The following CACNA2D3 variants were observed in gnomAD, a reference collection of about 807,000 sequenced individuals.
The protein encoded by CACNA2D3 is voltage-dependent calcium channel subunit alpha-2/delta-3.
In CACNA2D3, 60 loss-of-function variants were observed where a neutral mutation model predicts 160.6. The observed-to-expected ratio is 0.37, with a 90% CI of 0.30 to 0.46. CACNA2D3 has a LOEUF of 0.46. Ranked by LOEUF, CACNA2D3 falls within the 20% of genes least tolerant of loss-of-function variation. The probability of loss-of-function intolerance (pLI) is 1.00; values close to 1 mark genes in which losing one functional copy is unlikely to be tolerated. For missense variants in CACNA2D3, 1,205 were observed against 1,365.0 expected (o/e 0.88, Z 1.85); for synonymous variants, 558 against 492.9 (o/e 1.13, Z -1.75).
At chr3:54,464,236 TGAG>T (rs1326220254) in intron 4 of CACNA2D3, among the ~76,000 whole-genome samples, 3 of 152,196 alleles carry the variant, frequency 2.0e-5, no homozygotes, top group Non-Finnish European at 4.4e-5. Context: ...GGGACCCACT[TGAG>T]GAGGCAGTCT....
At chr3:54,746,731 T>C (rs1443629752) in intron 11 of CACNA2D3, among the ~76,000 whole-genome samples, 2 of 152,186 alleles carry the variant, frequency 1.3e-5, no homozygotes, top group Non-Finnish European at 2.9e-5. Context: ...TATAAAAATA[T>C]AGACTGTTTT....
At chr3:54,857,262 A>G (rs1211310510) in intron 17 of CACNA2D3, among the ~76,000 whole-genome samples, 1 of 152,160 alleles carries the variant, frequency 6.6e-6, no homozygotes, top group Non-Finnish European at 1.5e-5. Flanking sequence ...GGTTTTGTTG[A>G]CAAATTCCTA....
At chr3:54,311,998 T>C (rs1287218436) in intron 2 of CACNA2D3, among the ~76,000 whole-genome samples, 4 of 152,184 alleles carry the variant, frequency 2.6e-5, no homozygotes, top group Non-Finnish European at 1.5e-5. Context: ...GTGAGGCTTC[T>C]TTCACTCTTA....
At position 54,759,886 on chromosome 3, in the gene CACNA2D3, G is replaced by T. The variant is rs74760331; in HGVS notation, c.1247-4332G>T. Among the ~76,000 whole-genome samples the T allele has an allele frequency of 5.5e-3, 837 of 152,228 alleles. 9 individuals are homozygous for T. The highest frequency in any genetic ancestry group is 0.019 in the African/African-American group (803 of 41,554). On this transcript the variant is annotated intron_variant, in intron 12 of 37. Coordinates refer to ENST00000474759, the MANE Select transcript of CACNA2D3 (RefSeq NM_018398.3). ...TTTGGAATCAAATGAACCTGGATTC[G>T]AATTCATCCAGGACAAATTACTGAC...
intron 4 of CACNA2D3, among the ~76,000 whole-genome samples, chr3:54,441,663 T>G (rs1239949568): frequency 2.0e-5 from 3 of 152,214 alleles, no homozygotes; most frequent in African/African-American, 7.2e-5. Flanking sequence ...GAATTAATTT[T>G]TGTATAAGGT....
chr3:54,327,923 T>C (rs921032541), intron 3 of CACNA2D3, among the ~76,000 whole-genome samples: 2 of 152,200 alleles, frequency 1.3e-5, no homozygotes, highest in Admixed American at 6.5e-5. Flanking sequence ...TCAATGAATA[T>C]AGATTTCTAT....
chr3:54,725,377 A>G (rs1262728518), intron 11 of CACNA2D3, among the ~76,000 whole-genome samples: 1 of 152,222 alleles, frequency 6.6e-6, no homozygotes, highest in African/African-American at 2.4e-5. Context: ...TATTCCAATC[A>G]ATAGAAAAAG....
chr3:54,975,699 A>C (rs767572777), intron 29 of CACNA2D3, among the ~76,000 whole-genome samples: 4 of 151,938 alleles, frequency 2.6e-5, no homozygotes, highest in Non-Finnish European at 4.4e-5. Flanking sequence ...ATATTTTTAG[A>C]CTCTAGCCTA....
chr3:54,756,725 T>C (rs543884514), intron 12 of CACNA2D3, among the ~76,000 whole-genome samples: 5 of 152,230 alleles, frequency 3.3e-5, no homozygotes, highest in African/African-American at 1.2e-4. Context: ...GGACCTGCTA[T>C]CAGTGCAGGA....
chr3:55,007,695 A>G, intron 32 of CACNA2D3, 95 bp from the exon 33 acceptor site: 6 of 771,444 alleles, frequency 7.8e-6, no homozygotes, highest in South Asian at 6.9e-5. Context: ...CAATCTCTCT[A>G]GAAGAATAAC....
intron 31 of CACNA2D3, among the ~76,000 whole-genome samples, chr3:54,997,156 G>T (rs1702876110): frequency 6.6e-6 from 1 of 152,062 alleles, no homozygotes; most frequent in African/African-American, 2.4e-5. Context: ...ATGTATCCCA[G>T]AACTTAAAGT....
chr3:54,819,694 A>C (rs1703540117), intron 14 of CACNA2D3, among the ~76,000 whole-genome samples: 1 of 152,036 alleles, frequency 6.6e-6, no homozygotes, highest in Middle Eastern at 3.2e-3. Context: ...AAAATACAAA[A>C]ATTAGCCGGG....
intron 13 of CACNA2D3, among the ~76,000 whole-genome samples, chr3:54,811,096 C>T (rs2106699818): frequency 6.6e-6 from 1 of 152,292 alleles, no homozygotes; most frequent in East Asian, 1.9e-4. Flanking sequence ...TACGTGCAGA[C>T]AGTAACCAAG....
At chr3:55,065,062 GCT>G (rs1471248627) in intron 35 of CACNA2D3, among the ~76,000 whole-genome samples, 14 of 152,140 alleles carry the variant, frequency 9.2e-5, no homozygotes. Flanking sequence ...TAATTAGCCT[GCT>G]CTGAGTGTTT....
At chr3:54,736,118 T>C (rs1463260830) in intron 11 of CACNA2D3, among the ~76,000 whole-genome samples, 56 of 66,948 alleles carry the variant, frequency 8.4e-4, no homozygotes, top group East Asian at 4.2e-4. Flanking sequence ...TGTATATATA[T>C]ACATATATAT....
chr3:54,288,188 A>G (rs1703083183), intron 2 of CACNA2D3, among the ~76,000 whole-genome samples: 1 of 152,208 alleles, frequency 6.6e-6, no homozygotes, highest in South Asian at 2.1e-4. Context: ...AGACTAATAA[A>G]GAAGAAAAGA....
intron 5 of CACNA2D3, among the ~76,000 whole-genome samples, chr3:54,527,531 G>T (rs963594681): frequency 6.6e-6 from 1 of 152,110 alleles, no homozygotes; most frequent in Admixed American, 6.5e-5. Context: ...TGGAGCGTTC[G>T]CCTTTCAAGT....
At chr3:54,248,464 A>G (rs62253168) in intron 2 of CACNA2D3, among the ~76,000 whole-genome samples, 1 of 150,694 alleles carries the variant, frequency 6.6e-6, no homozygotes, top group Non-Finnish European at 1.5e-5. Flanking sequence ...CCGGGCAACA[A>G]GAGAGAAACT....
chr3:54,682,194 C>A (rs1700364883), intron 11 of CACNA2D3, among the ~76,000 whole-genome samples: 1 of 149,436 alleles, frequency 6.7e-6, no homozygotes, highest in African/African-American at 2.5e-5. Flanking sequence ...CACACACACA[C>A]CACAAAACCC....
Sources: gnomAD v4.1 joint callset for allele counts (sites outside exome capture counted in the v4.1 genomes callset) on GRCh38, gnomAD v4.1.1 for gene constraint, MANE v1.5 for transcripts, NCBI Gene and HGNC (gene_info 2026-07-23, HGNC 2026-07-21) for gene names.